USP34: variants seen among roughly 807,000 people sequenced by gnomAD.
USP34 encodes the protein ubiquitin carboxyl-terminal hydrolase 34.
USP34 carries 70 observed loss-of-function variants against 460.3 expected under a neutral mutation model. The ratio of observed to expected loss-of-function variants is 0.15; its 90% confidence interval spans 0.13 to 0.19. The LOEUF (loss-of-function observed/expected upper bound fraction) is 0.19. Among genes scored for constraint, USP34 ranks in the 10% least tolerant of loss-of-function variants. USP34 has a pLI of 1.00. For synonymous variants in USP34, 1,647 were observed against 1,405.3 expected (o/e 1.17, Z -3.85); for missense variants, 3,985 against 4,236.2 (o/e 0.94, Z 1.65).
Position 61,261,500 on chromosome 2 carries a change from T to C in USP34, c.5779-1724A>G, listed in dbSNP as rs570122264. Among the ~76,000 whole-genome samples the C allele has an allele frequency of 2.6e-5, 4 of 152,124 alleles. No homozygotes were observed. In the East Asian group the frequency reaches 7.7e-4, roughly 29 times the overall value. On this transcript the variant is annotated intron_variant, in intron 43 of 79. Coordinates refer to ENST00000398571, the MANE Select transcript of USP34 (RefSeq NM_014709.4). ...GTAGAATAGTGGTTGCAAGGGGGGT[T>C]GGGAGGGAGAATGGAGAGTTAAGTG...
Position 61,246,306 on chromosome 2 carries a change from G to T in USP34, c.6548+18C>A. 2 of 1,498,850 alleles carry T rather than the reference G, an allele frequency of 1.3e-6. No homozygotes were observed. The highest frequency in any genetic ancestry group is 2.4e-5 in the East Asian group (1 of 41,510). The allele number at this position is 1,498,850 out of a possible 1,614,324, so 92.8% of individuals were successfully genotyped here. On this transcript the variant is annotated intron_variant, in intron 50 of 79. Transcript: ENST00000398571. Reference sequence around the variant, plus strand: ...TACCATAAATTGTTAAAGAAGTTTTGAAATATTTAAAACTCACCATTTATT... The same window carrying T: ...TACCATAAATTGTTAAAGAAGTTTTTAAATATTTAAAACTCACCATTTATT...
chr2:61,268,242 A>C (rs1689111103), intron 41 of USP34, among the ~76,000 whole-genome samples: 1 of 151,978 alleles, frequency 6.6e-6, no homozygotes, highest in Non-Finnish European at 1.5e-5. Context: ...AAAATATTGT[A>C]AACTGGGCCG....
intron 10 of USP34, among the ~76,000 whole-genome samples, chr2:61,369,256 TGTAA>T (rs1692534107): frequency 6.6e-6 from 1 of 152,232 alleles, no homozygotes; most frequent in Non-Finnish European, 1.5e-5. Context: ...TAATTCTACT[TGTAA>T]GTAAGAATTT....
chr2:61,457,569 G>A (rs762731189), intron 1 of USP34, among the ~76,000 whole-genome samples: 19 of 152,064 alleles, frequency 1.2e-4, no homozygotes, highest in Non-Finnish European at 1.5e-5. Context: ...CTAATATCAC[G>A]AACTAGTAAA....
At chr2:61,374,090 AG>A (rs1454279978) in intron 8 of USP34, among the ~76,000 whole-genome samples, 2 of 147,628 alleles carry the variant, frequency 1.4e-5, no homozygotes, top group African/African-American at 5.0e-5. Flanking sequence ...CAGGAGACAG[AG>A]GTTGCAGTGA....
At chr2:61,399,091 A>G (rs1573002841) in intron 3 of USP34, among the ~76,000 whole-genome samples, 1 of 152,150 alleles carries the variant, frequency 6.6e-6, no homozygotes, top group African/African-American at 2.4e-5. Context: ...GCAGTGGCTC[A>G]TGCCTGTAAT....
chr2:61,341,792 G>A (rs144140233), intron 16 of USP34, among the ~76,000 whole-genome samples: 6,337 of 123,114 alleles, frequency 0.051, 215 homozygotes, highest in Middle Eastern at 0.15. Context: ...ATGCAGTCTC[G>A]CTGTGTTGCC....
chr2:61,438,579 GAC>G (rs1694880643), intron 1 of USP34, among the ~76,000 whole-genome samples: 1 of 151,278 alleles, frequency 6.6e-6, no homozygotes, highest in Non-Finnish European at 1.5e-5. Flanking sequence ...CAGCCTGGGC[GAC>G]AAGAGTGAGA....
chr2:61,416,962 C>T (rs1236915280), intron 2 of USP34: 19 of 1,279,162 alleles, frequency 1.5e-5, no homozygotes, highest in South Asian at 8.5e-5. Context: ...TGGGATGAGC[C>T]GCTTCTCAGC....
rs541740163 is a variant in USP34, at chr2:61,451,442, C to T, written c.43+19208G>A. On this transcript the variant is annotated intron_variant, in intron 1 of 79. Coordinates refer to ENST00000398571, the MANE Select transcript of USP34 (RefSeq NM_014709.4). ...GCTCACGCCTGTAATCCCAGCACTTCGGGAGGCCAAGGTGGGCGGATCATC... is the reference window on the plus strand; with the variant it reads ...GCTCACGCCTGTAATCCCAGCACTTTGGGAGGCCAAGGTGGGCGGATCATC... Among the ~76,000 whole-genome samples, 9 of 150,730 alleles carry T rather than the reference C, an allele frequency of 6.0e-5. No individual in the cohort carries two copies. The East Asian group carries it at 1.2e-3, about 20-fold the overall frequency.
At chr2:61,445,438 G>C (rs1695084179) in intron 1 of USP34, among the ~76,000 whole-genome samples, 2 of 151,388 alleles carry the variant, frequency 1.3e-5, no homozygotes, top group African/African-American at 4.9e-5. Flanking sequence ...AGGAGGCTGA[G>C]GCAGGAGAAT....
intron 10 of USP34, among the ~76,000 whole-genome samples, chr2:61,362,940 G>A (rs1313688443): frequency 1.3e-5 from 2 of 152,042 alleles, no homozygotes; most frequent in African/African-American, 4.8e-5. Flanking sequence ...CAGACTTAGA[G>A]AAATTATATG....
chr2:61,379,042 C>T (rs1692891753), intron 7 of USP34, among the ~76,000 whole-genome samples: 1 of 149,242 alleles, frequency 6.7e-6, no homozygotes, highest in Non-Finnish European at 1.5e-5. Flanking sequence ...CGCAAGAGAG[C>T]AAGTAATATG....
chr2:61,288,991 C>A (rs1689770935), intron 33 of USP34, 114 bp from the exon 34 acceptor site: 1 of 1,038,496 alleles, frequency 9.6e-7, no homozygotes, highest in Non-Finnish European at 1.4e-6. Flanking sequence ...AGTACTTAAT[C>A]ATGTACTATA....
chr2:61,277,797 T>C (rs1689415432), intron 41 of USP34: 1 of 175,194 alleles, frequency 5.7e-6, no homozygotes, highest in South Asian at 1.7e-4. Flanking sequence ...GGGAGGGACC[T>C]GGTGGGAGAT....
At chr2:61,363,030 T>C (rs917767304) in intron 10 of USP34, among the ~76,000 whole-genome samples, 3 of 151,672 alleles carry the variant, frequency 2.0e-5, no homozygotes, top group African/African-American at 7.3e-5. Flanking sequence ...CAAAACCCAA[T>C]CAAAAATGGG....
At chr2:61,311,490 A>G (rs757244734) in intron 27 of USP34, 50 bp downstream of exon 27, 143 of 1,526,662 alleles carry the variant, frequency 9.4e-5, no homozygotes, top group East Asian at 5.5e-4. Flanking sequence ...GAAAGAGAAA[A>G]AGAAAGAAAG....
At chr2:61,361,588 T>C (rs1692277262) in intron 10 of USP34, among the ~76,000 whole-genome samples, 1 of 151,426 alleles carries the variant, frequency 6.6e-6, no homozygotes, top group Non-Finnish European at 1.5e-5. Context: ...CAAAAGGTGA[T>C]GGGAAAACCT....
chr2:61,456,660 T>TA (rs59349733), intron 1 of USP34, among the ~76,000 whole-genome samples: 11 of 149,440 alleles, frequency 7.4e-5, no homozygotes, highest in Middle Eastern at 3.3e-3. Context: ...CTACTAAAAA[T>TA]AAAAAAAAAT....
Sources: gnomAD v4.1 joint callset for allele counts (sites outside exome capture counted in the v4.1 genomes callset) on GRCh38, gnomAD v4.1.1 for gene constraint, MANE v1.5 for transcripts, NCBI Gene and HGNC (gene_info 2026-07-23, HGNC 2026-07-21) for gene names.